The following TMOD2 variants were observed in gnomAD, a reference collection of about 807,000 sequenced individuals.
TMOD2 encodes the protein tropomodulin-2.
Under a neutral mutation model 39.9 loss-of-function variants are expected in TMOD2, and 22 were observed. That is an observed-to-expected ratio of 0.55 (90% CI 0.39 to 0.79). The LOEUF is 0.79. Among genes scored for constraint, TMOD2 ranks in the 30% least tolerant of loss-of-function variants. TMOD2 has a pLI of 0.00. For synonymous variants in TMOD2, 123 were observed against 146.1 expected (o/e 0.84, Z 1.14); for missense variants, 386 against 413.3 (o/e 0.93, Z 0.57).
At chr15:51,772,553 G>A (rs1202651620) in intron 3 of TMOD2, among the ~76,000 whole-genome samples, 4 of 152,178 alleles carry the variant, frequency 2.6e-5, no homozygotes, top group Non-Finnish European at 5.9e-5. Context: ...TCAGAAGTGA[G>A]CAGGGGACAA....
intron 5 of TMOD2, among the ~76,000 whole-genome samples, chr15:51,779,053 C>A (rs1191279796): frequency 6.6e-6 from 1 of 151,592 alleles, no homozygotes; most frequent in Non-Finnish European, 1.5e-5. Flanking sequence ...AGCTCCTGGA[C>A]TCAAGCAATC....
intron 2 of TMOD2, among the ~76,000 whole-genome samples, chr15:51,767,721 GAT>G (rs1158407779): frequency 6.6e-6 from 1 of 151,950 alleles, no homozygotes; most frequent in Non-Finnish European, 1.5e-5. Context: ...ATGGTATTCT[GAT>G]ATGTCAGATA....
Position 51,809,826 on chromosome 15 carries a change from A to G in TMOD2, c.*1372A>G, listed in dbSNP as rs2056144885. ...AATTCCAGAATTTGTTTAGTAGCTG[A>G]GTGTTCCTGAGTTGCCTAGTAGCAA... On this transcript the variant is annotated 3_prime_UTR_variant, in exon 10 of 10. Transcript: ENST00000249700. 6.6e-6 allele frequency: 1 copy of G among 152,074 alleles called. No individual in the cohort carries two copies. The highest frequency in any genetic ancestry group is 1.5e-5 in the Non-Finnish European group (1 of 67,998). The allele number at this position is 152,074 out of a possible 1,614,324, so 9.4% of individuals were successfully genotyped here.
rs555633136 is a variant in TMOD2, at chr15:51,797,928, C to CA, written c.733-261dup. Among the ~76,000 whole-genome samples, 121 of 145,116 alleles carry CA rather than the reference C, an allele frequency of 8.3e-4. 2 individuals are homozygous for CA. Among genetic ancestry groups the CA allele is most frequent in the Admixed American group, 5.1e-3 (75 of 14,612 alleles). On this transcript the variant is annotated intron_variant, in intron 7 of 9. Coordinates refer to ENST00000249700, the MANE Select transcript of TMOD2 (RefSeq NM_014548.4). The stretch of plus-strand genomic sequence containing the variant: ...GTTTTTTTTTAATGTCTCTACTTAA[C>CA]AAAAAAAATCTGTAATCCTATGTCA...
intron 8 of TMOD2, among the ~76,000 whole-genome samples, chr15:51,800,927 A>T (rs1595878298): frequency 6.6e-6 from 1 of 151,758 alleles, no homozygotes; most frequent in African/African-American, 2.4e-5. Flanking sequence ...TTGTTCTCAA[A>T]CTCCTGGGTT....
Position 51,782,797 on chromosome 15 carries a change from C to T in TMOD2, c.701C>T (p.Ala234Val). Residue 234 changes from alanine (A) to valine (V), a missense_variant, in exon 7 of 10, where the codon GCC becomes GTC. By Grantham distance (64) the Ala-to-Val change is moderately conservative (BLOSUM62 0). Transcript: ENST00000249700. Reference sequence around the variant, plus strand: ...ACTCACGTGAAGAAGTTCAGCCTGGCCGCAACTCGCAGCAATGACCCTGTG... The same window carrying T: ...ACTCACGTGAAGAAGTTCAGCCTGGTCGCAACTCGCAGCAATGACCCTGTG... ...TNTHVKKFSL[A>V]ATRSNDPVAI... 1 of 1,614,076 alleles carries T rather than the reference C, an allele frequency of 6.2e-7. No homozygotes were observed. The highest frequency in any genetic ancestry group is 1.3e-5 in the African/African-American group (1 of 75,044).
At chr15:51,802,260 A>G (rs990761631) in intron 8 of TMOD2, among the ~76,000 whole-genome samples, 3 of 151,928 alleles carry the variant, frequency 2.0e-5, no homozygotes, top group South Asian at 2.1e-4. Context: ...AATATTTCCT[A>G]TTTTTGATTC....
At chr15:51,797,628 C>A (rs7171459) in intron 7 of TMOD2, among the ~76,000 whole-genome samples, 72,666 of 151,904 alleles carry the variant, frequency 0.48, 17,667 homozygotes, top group Admixed American at 0.54. Flanking sequence ...CGGCAGGTGC[C>A]CGTGTGCAGT....
chr15:51,791,610 A>G (rs1330222216), intron 7 of TMOD2, among the ~76,000 whole-genome samples: 1 of 152,250 alleles, frequency 6.6e-6, no homozygotes. Flanking sequence ...AAACTTTACT[A>G]TAAGGCTACA....
At chr15:51,780,964 A>ATTCC in intron 5 of TMOD2, 80 bp from the exon 6 acceptor site, 1 of 1,202,584 alleles carries the variant, frequency 8.3e-7, no homozygotes, top group Admixed American at 2.5e-5. Context: ...CATATGAAAG[A>ATTCC]AATGTCATTT....
chr15:51,800,254 A>C (rs1036473709), intron 8 of TMOD2, among the ~76,000 whole-genome samples: 1 of 152,176 alleles, frequency 6.6e-6, no homozygotes, highest in Non-Finnish European at 1.5e-5. Flanking sequence ...AATGCATATA[A>C]AGAAGACCCT....
At chr15:51,788,844 G>A (rs977833646) in intron 7 of TMOD2, among the ~76,000 whole-genome samples, 1 of 152,168 alleles carries the variant, frequency 6.6e-6, no homozygotes, top group African/African-American at 2.4e-5. Flanking sequence ...CCTTACAAGA[G>A]CTCCTGAAGG....
At chr15:51,807,477 A>C (rs1188623006) in intron 9 of TMOD2, among the ~76,000 whole-genome samples, 1 of 152,156 alleles carries the variant, frequency 6.6e-6, no homozygotes, top group East Asian at 1.9e-4. Context: ...GACAGTGCTT[A>C]CCTGGGGGGT....
chr15:51,774,376 C>T (rs1370158974), intron 4 of TMOD2, among the ~76,000 whole-genome samples: 1 of 152,148 alleles, frequency 6.6e-6, no homozygotes, highest in African/African-American at 2.4e-5. Flanking sequence ...ATTACCTAGG[C>T]CCACTCCCAT....
At chr15:51,792,777 C>T (rs1002457944) in intron 7 of TMOD2, among the ~76,000 whole-genome samples, 2 of 152,144 alleles carry the variant, frequency 1.3e-5, no homozygotes, top group Non-Finnish European at 2.9e-5. Flanking sequence ...GAAAACCAAA[C>T]ACCGCATGTT....
intron 7 of TMOD2, among the ~76,000 whole-genome samples, chr15:51,790,656 A>G (rs150194899): frequency 1.1e-3 from 167 of 152,340 alleles, no homozygotes; most frequent in African/African-American, 3.8e-3. Flanking sequence ...CTTATCCACT[A>G]TGATCAAGTC....
rs1171683957 is a variant in TMOD2 at position 51,806,410 on chromosome 15, A to G, written c.910A>G (p.Ile304Val). 1 of 1,614,204 alleles carries G rather than the reference A, an allele frequency of 6.2e-7. No individual in the cohort carries two copies. The highest frequency in any genetic ancestry group is 2.2e-5 in the East Asian group (1 of 44,886). ...QQLGTAVEME[I>V]AQMLEENSRI... ...GTTGGGAACAGCTGTAGAGATGGAAATTGCCCAGATGCTGGAGGAGAATTC... is the reference window on the plus strand; with the variant it reads ...GTTGGGAACAGCTGTAGAGATGGAAGTTGCCCAGATGCTGGAGGAGAATTC... Residue 304 changes from isoleucine (I) to valine (V), a missense_variant, in exon 9 of 10, where the codon ATT becomes GTT. By Grantham distance (29) the Ile-to-Val change is conservative (BLOSUM62 3). Coordinates refer to ENST00000249700, the MANE Select transcript of TMOD2 (RefSeq NM_014548.4).
chr15:51,789,577 G>A lies in TMOD2; in HGVS notation c.732+6749G>A, dbSNP rs553974476. Among the ~76,000 whole-genome samples the A allele has an allele frequency of 3.3e-5, 5 of 152,160 alleles. No homozygotes were observed. In the South Asian group the frequency reaches 6.2e-4, roughly 19 times the overall value. ...TGTACGTTCTTCTCAGCACCACATC[G>A]CACTTACTCTAAAACTGACCACATA... On this transcript the variant is annotated intron_variant, in intron 7 of 9. Coordinates refer to ENST00000249700, the MANE Select transcript of TMOD2 (RefSeq NM_014548.4).
rs2056185983 is a variant in TMOD2, at chr15:51,815,937, T to C, written c.*7483T>C. The C allele has an allele frequency of 6.6e-6, 1 of 152,222 alleles. No individual in the cohort carries two copies. Among genetic ancestry groups the C allele is most frequent in the South Asian group, 2.1e-4 (1 of 4,832 alleles). 9.4% of individuals were successfully genotyped at this position (152,222 alleles called of 1,614,324 possible). On this transcript the variant is annotated 3_prime_UTR_variant, in exon 10 of 10. Transcript: ENST00000249700. ...GTTTAAACAAGTGTTTAAACTTCTA[T>C]TGGCAACATTTATTGGGCTAAGCAG...
Sources: allele counts gnomAD v4.1 joint callset (sites outside exome capture counted in the v4.1 genomes callset), GRCh38; gene constraint gnomAD v4.1.1; transcripts MANE v1.5; gene names NCBI Gene and HGNC (gene_info 2026-07-23, HGNC 2026-07-21).